The following RFX3 variants were observed in gnomAD, a reference collection of about 807,000 sequenced individuals.
The protein encoded by RFX3 is transcription factor RFX3.
In RFX3, 14 loss-of-function variants were observed where a neutral mutation model predicts 98.6. That is an observed-to-expected ratio of 0.14 (90% CI 0.09 to 0.22). The LOEUF (loss-of-function observed/expected upper bound fraction) is 0.22. RFX3 is among the 10% of genes least tolerant of loss of function. The pLI is 1.00. For missense variants in RFX3, 639 were observed against 926.9 expected (o/e 0.69, Z 4.03); for synonymous variants, 383 against 328.4 (o/e 1.17, Z -1.80).
rs191757297 is a variant in RFX3 at position 3,453,179 on chromosome 9, A to C, written c.-8-57583T>G. On this transcript the variant is annotated intron_variant, in intron 1 of 16. Coordinates refer to ENST00000617270, the MANE Select transcript of RFX3 (RefSeq NM_001282116.2). ...ATTATCAGTATAAATGGAAGTCTGT[A>C]GACGAGATCTGATTAATCACTCTGT... Among the ~76,000 whole-genome samples the C allele has an allele frequency of 2.0e-5, 3 of 152,236 alleles. No homozygotes were observed. In the East Asian group the frequency reaches 5.8e-4, roughly 29 times the overall value.
chr9:3,360,232 C>G (rs1836250560), intron 2 of RFX3, among the ~76,000 whole-genome samples: 1 of 151,458 alleles, frequency 6.6e-6, no homozygotes, highest in African/African-American at 2.4e-5. Flanking sequence ...AGAAATATTT[C>G]CAAAGAGAAT....
chr9:3,243,429 T>C (rs1019792489), intron 15 of RFX3, among the ~76,000 whole-genome samples: 2 of 152,094 alleles, frequency 1.3e-5, no homozygotes, highest in African/African-American at 4.8e-5. Flanking sequence ...TTCTTGGGAC[T>C]GTGAAGCTGT....
At chr9:3,480,424 A>G (rs1849643732) in intron 1 of RFX3, among the ~76,000 whole-genome samples, 1 of 152,238 alleles carries the variant, frequency 6.6e-6, no homozygotes, top group African/African-American at 2.4e-5. Flanking sequence ...CCAGACCTGG[A>G]AGAGCTTTAA....
chr9:3,223,166 T>TC lies in RFX3; in HGVS notation c.*1875_*1876insG, dbSNP rs1207939284. 1.3e-5 allele frequency: 2 copies of TC among 152,098 alleles called. No homozygotes were observed. Among genetic ancestry groups the TC allele is most frequent in the African/African-American group, 4.8e-5 (2 of 41,424 alleles). 9.4% of individuals were successfully genotyped at this position (152,098 alleles called of 1,614,324 possible). On this transcript the variant is annotated 3_prime_UTR_variant, in exon 17 of 17. Transcript: ENST00000617270. ...TCAATCATTTTGTGCTTTCCTTTTT[T>TC]TTGGCTTTATTATCTATTTATTTTT... is the stretch of plus-strand genomic sequence containing the variant.
At chr9:3,523,969 C>A (rs550580520) in intron 1 of RFX3, among the ~76,000 whole-genome samples, 4 of 152,138 alleles carry the variant, frequency 2.6e-5, no homozygotes, top group Admixed American at 6.5e-5. Flanking sequence ...AAAATATTAG[C>A]CTTAATAGCA....
intron 1 of RFX3, among the ~76,000 whole-genome samples, chr9:3,417,043 A>T (rs1011738495): frequency 2.6e-5 from 4 of 151,952 alleles, no homozygotes; most frequent in Non-Finnish European, 5.9e-5. Context: ...TAAAATATAT[A>T]TAATGCTATA....
At chr9:3,298,645 C>T (rs1828290774) in intron 5 of RFX3, among the ~76,000 whole-genome samples, 1 of 151,720 alleles carries the variant, frequency 6.6e-6, no homozygotes, top group Non-Finnish European at 1.5e-5. Flanking sequence ...TAAAATAACT[C>T]CCACCATGTT....
At chr9:3,482,800 T>C (rs1487494068) in intron 1 of RFX3, among the ~76,000 whole-genome samples, 2 of 152,128 alleles carry the variant, frequency 1.3e-5, no homozygotes, top group Non-Finnish European at 2.9e-5. Context: ...GTGTGCTATA[T>C]TATATGTCTT....
At chr9:3,455,253 C>A (rs1331447075) in intron 1 of RFX3, among the ~76,000 whole-genome samples, 1 of 152,168 alleles carries the variant, frequency 6.6e-6, no homozygotes, top group South Asian at 2.1e-4. Context: ...AGAGCAGATT[C>A]TGTATGCATC....
At chr9:3,500,341 G>A (rs1164193557) in intron 1 of RFX3, among the ~76,000 whole-genome samples, 1 of 152,112 alleles carries the variant, frequency 6.6e-6, no homozygotes, top group African/African-American at 2.4e-5. Flanking sequence ...GTTAGAAAGA[G>A]AACTGAAAGA....
chr9:3,346,836 T>A, intron 2 of RFX3, 72 bp from the exon 3 acceptor site: 2 of 907,026 alleles, frequency 2.2e-6, no homozygotes, highest in South Asian at 2.7e-5. Flanking sequence ...TAGATCTATC[T>A]CAAAGGTTTA....
chr9:3,485,911 A>T (rs1587834085), intron 1 of RFX3, among the ~76,000 whole-genome samples: 1 of 151,924 alleles, frequency 6.6e-6, no homozygotes, highest in Non-Finnish European at 1.5e-5. Context: ...GATCACCTGA[A>T]GTCGGGAGTT....
At chr9:3,298,883 A>G (rs1374191196) in intron 5 of RFX3, among the ~76,000 whole-genome samples, 1 of 151,816 alleles carries the variant, frequency 6.6e-6, no homozygotes, top group Non-Finnish European at 1.5e-5. Flanking sequence ...GAATGAGAAT[A>G]GACTTTTCAC....
intron 4 of RFX3, among the ~76,000 whole-genome samples, chr9:3,303,115 T>A (rs189187119): frequency 6.6e-6 from 1 of 151,822 alleles, no homozygotes; most frequent in Non-Finnish European, 1.5e-5. Context: ...TCTAGAAACA[T>A]AGGCTTCTAC....
intron 9 of RFX3, among the ~76,000 whole-genome samples, 197 bp from the exon 10 acceptor site, chr9:3,271,315 G>A (rs1824402710): frequency 1.3e-5 from 2 of 151,480 alleles, no homozygotes; most frequent in African/African-American, 4.9e-5. Flanking sequence ...AAGATAAAGA[G>A]GGGAAAATTC....
At chr9:3,324,435 G>A (rs977261461) in intron 4 of RFX3, among the ~76,000 whole-genome samples, 3 of 151,538 alleles carry the variant, frequency 2.0e-5, no homozygotes, top group African/African-American at 4.8e-5. Context: ...TTTTCCTCTG[G>A]TAAGATAGAT....
intron 1 of RFX3, among the ~76,000 whole-genome samples, chr9:3,449,235 C>G (rs575275263): frequency 6.6e-6 from 1 of 152,184 alleles, no homozygotes; most frequent in Non-Finnish European, 1.5e-5. Context: ...TGTCCAAGAT[C>G]ATTGTTTCTA....
intron 8 of RFX3, among the ~76,000 whole-genome samples, 162 bp downstream of exon 8, chr9:3,277,178 G>A (rs1012715545): frequency 6.6e-6 from 1 of 151,852 alleles, no homozygotes; most frequent in Non-Finnish European, 1.5e-5. Flanking sequence ...AAACACGAAA[G>A]GCAGACATGA....
intron 9 of RFX3, among the ~76,000 whole-genome samples, chr9:3,273,070 T>C (rs1276659908): frequency 6.6e-6 from 1 of 152,158 alleles, no homozygotes; most frequent in Admixed American, 6.6e-5. Flanking sequence ...ATAAAACATT[T>C]TATCATTTGT....
Sources: allele counts gnomAD v4.1 joint callset (sites outside exome capture counted in the v4.1 genomes callset), GRCh38; gene constraint gnomAD v4.1.1; transcripts MANE v1.5; gene names NCBI Gene and HGNC (gene_info 2026-07-23, HGNC 2026-07-21).